FNDC1: variants seen among roughly 807,000 people sequenced by gnomAD.
The protein encoded by FNDC1 is fibronectin type III domain containing 1, also known as fibronectin type III domain-containing protein 1.
In FNDC1, 96 loss-of-function variants were observed where a neutral mutation model predicts 168.0. The ratio of observed to expected loss-of-function variants is 0.57; its 90% CI spans 0.48 to 0.68. The LOEUF is 0.68. Ranked by LOEUF, FNDC1 falls within the 30% of genes least tolerant of loss-of-function variation. The pLI is 0.00. For synonymous variants in FNDC1, 1,099 were observed against 1,025.9 expected (o/e 1.07, Z -1.36); for missense variants, 2,587 against 2,482.1 (o/e 1.04, Z -0.90).
Position 159,215,091 on chromosome 6 carries a change from C to T in FNDC1, c.607C>T (p.Arg203Trp), listed in dbSNP as rs201087585. 2.6e-5 allele frequency: 42 copies of T among 1,613,794 alleles called. No homozygotes were observed. The highest frequency in any genetic ancestry group is 2.1e-4 in the African/African-American group (16 of 74,882). The change falls in exon 5 of 23, where the codon CGG becomes TGG. Residue 203 changes from arginine to tryptophan, a missense_variant. Transcript: ENST00000297267. Reference protein sequence around the residue: ...GFLLGYGESGRKMNYVPLTRD... With the variant: ...GFLLGYGESGWKMNYVPLTRD... ...TCTCCTGGGCTACGGGGAGAGTGGCCGGAAGATGAATTATGTTCCACTGAC... is the reference window on the plus strand; with the variant it reads ...TCTCCTGGGCTACGGGGAGAGTGGCTGGAAGATGAATTATGTTCCACTGAC...
At chr6:159,248,302 GA>G (rs1474227311) in intron 15 of FNDC1, among the ~76,000 whole-genome samples, 1 of 150,438 alleles carries the variant, frequency 6.6e-6, no homozygotes, top group Non-Finnish European at 1.5e-5. Context: ...ATACATGGGA[GA>G]AAAAAGAATT....
At chr6:159,259,712 T>C (rs294886) in intron 18 of FNDC1, among the ~76,000 whole-genome samples, 96,808 of 152,098 alleles carry the variant, frequency 0.64, 32,298 homozygotes, top group Middle Eastern at 0.76. Flanking sequence ...TAAAAGTACA[T>C]GTAACTGGGA....
chr6:159,235,078 C>T (rs1277715406), intron 11 of FNDC1, among the ~76,000 whole-genome samples: 2 of 152,206 alleles, frequency 1.3e-5, no homozygotes, highest in East Asian at 3.8e-4. Flanking sequence ...GCAATTAGTG[C>T]ATGTTGTCTA....
At position 159,232,985 on chromosome 6, in the gene FNDC1, T is replaced by C; in HGVS notation, c.2473T>C (p.Phe825Leu). The change falls in exon 11 of 23, where the codon TTT becomes CTT. Residue 825 changes from phenylalanine (F) to leucine (L), a missense_variant. Coordinates refer to ENST00000297267, the MANE Select transcript of FNDC1 (RefSeq NM_032532.3). This position sits in a 1 kb window ranked among gnomAD's most constrained non-coding sequence, Gnocchi z 4.9. ...CTTCCATTTGCTCAGACACAAACCC[T>C]TTGCTGCCAACGGGAGGTCTCCAAG... ...GHFHLLRHKP[F>L]AANGRSPSRF... 1 of 1,612,024 alleles carries C rather than the reference T, an allele frequency of 6.2e-7. No homozygotes were observed.
rs754094035 is a variant in FNDC1, at chr6:159,200,587, A to C, written c.460+6A>C. On this transcript the variant is annotated splice_donor_region_variant and intron_variant, in intron 4 of 22. Transcript: ENST00000297267. ...ATTTAATGAAACCGTCACAGGTACTACTTCCTCCTTCATGTCAGATTCATG... is the reference window on the plus strand; with the variant it reads ...ATTTAATGAAACCGTCACAGGTACTCCTTCCTCCTTCATGTCAGATTCATG... 6.3e-7 allele frequency: 1 copy of C among 1,582,468 alleles called. No homozygotes were observed. Among genetic ancestry groups the C allele is most frequent in the East Asian group, 2.3e-5 (1 of 44,104 alleles).
Position 159,239,520 on chromosome 6 carries a change from T to A in FNDC1, c.4184T>A (p.Leu1395Gln). ...LGGDGRTIVDLEGTPVVSPDG... is the reference protein window; with the variant it reads ...LGGDGRTIVDQEGTPVVSPDG... ...CTATTGGTTGATTTTGTTTCAGATCTGGAAGGGACCCCCGTGGTGAGTCCT... is the reference window on the plus strand; with the variant it reads ...CTATTGGTTGATTTTGTTTCAGATCAGGAAGGGACCCCCGTGGTGAGTCCT... Residue 1395 changes from leucine (L) to glutamine (Q), a missense_variant, in exon 14 of 23, where the codon CTG (leucine) becomes CAG (glutamine). Transcript: ENST00000297267. 1 of 1,584,910 alleles carries A rather than the reference T, an allele frequency of 6.3e-7. No individual in the cohort carries two copies. The highest frequency in any genetic ancestry group is 8.6e-7 in the Non-Finnish European group (1 of 1,163,096).
At position 159,175,072 on chromosome 6, in the gene FNDC1, A is replaced by AT. The variant is rs963462605; in HGVS notation, c.109+5375dup. ...TAATTACAAAGTAGATGCTGCTCAC[A>AT]TTTTTTTTACCGCAGTCTCCTACAT... is the stretch of plus-strand genomic sequence containing the variant. On this transcript the variant is annotated intron_variant, in intron 1 of 22. Transcript: ENST00000297267. Among the ~76,000 whole-genome samples, 68 of 152,086 alleles carry AT rather than the reference A, an allele frequency of 4.5e-4. 1 individual carries two copies. Among genetic ancestry groups the AT allele is most frequent in the Admixed American group, 1.3e-3 (20 of 15,262 alleles).
At chr6:159,271,291 C>T (rs764040773) in intron 22 of FNDC1, 36 bp from the exon 23 acceptor site, 2 of 1,487,466 alleles carry the variant, frequency 1.3e-6, no homozygotes, top group Non-Finnish European at 1.8e-6. Flanking sequence ...GTTCAGGGGC[C>T]TCTGACGCTT....
chr6:159,251,331 C>G lies in FNDC1; in HGVS notation c.4864C>G (p.Pro1622Ala). The G allele has an allele frequency of 6.2e-7, 1 of 1,613,854 alleles. No individual in the cohort carries two copies. The highest frequency in any genetic ancestry group is 8.5e-7 in the Non-Finnish European group (1 of 1,179,812). ...APYVTYLNKD[P>A]SAPCSLTDAL... is the part of the protein sequence containing the mutation. ...TTACGTGACGTACCTAAATAAAGAC[C>G]CATCAGCCCCGTGCTCTCTGACTGA... is the stretch of plus-strand genomic sequence containing the variant. The change falls in exon 17 of 23, where the codon CCA (proline) becomes GCA (alanine). Residue 1622 changes from proline (P) to alanine (A), a missense_variant. By Grantham distance (27) the Pro-to-Ala change is conservative (BLOSUM62 -1). Transcript: ENST00000297267.
chr6:159,172,363 A>G (rs187310675), intron 1 of FNDC1, among the ~76,000 whole-genome samples: 50 of 152,356 alleles, frequency 3.3e-4, no homozygotes, highest in African/African-American at 1.1e-3. Flanking sequence ...TTTTCTCAAA[A>G]ATGAACAAAG....
intron 22 of FNDC1, among the ~76,000 whole-genome samples, chr6:159,268,235 A>T (rs188998272): frequency 4.3e-4 from 65 of 152,256 alleles, no homozygotes; most frequent in Non-Finnish European, 1.5e-4. Context: ...TGATTGTGGC[A>T]TTATAAGGTG....
rs1259085849 is a variant in FNDC1, at chr6:159,269,296, C to T, written c.5569+1370C>T. ...TCTATCTATCTATCTATCTATCCAT[C>T]CATCCATCTATCCTATCTATTTATC... On this transcript the variant is annotated intron_variant, in intron 22 of 22. Transcript: ENST00000297267. Among the ~76,000 whole-genome samples the T allele has an allele frequency of 5.5e-4, 69 of 125,512 alleles. 3 individuals are homozygous for T. The highest frequency in any genetic ancestry group is 8.0e-4 in the Non-Finnish European group (45 of 56,002). The allele number at this position is 125,512 out of a possible 152,430, so 82.3% of individuals were successfully genotyped here.
intron 4 of FNDC1, among the ~76,000 whole-genome samples, chr6:159,207,361 C>T (rs1252508848): frequency 2.0e-5 from 3 of 152,172 alleles, no homozygotes; most frequent in African/African-American, 7.2e-5. Context: ...CCTGCCTGTG[C>T]CACCTTGCAT....
chr6:159,200,053 G>A lies in FNDC1; in HGVS notation c.362G>A (p.Arg121His), dbSNP rs780310956. 1.2e-5 allele frequency: 19 copies of A among 1,603,156 alleles called. No homozygotes were observed. The highest frequency in any genetic ancestry group is 6.8e-5 in the Admixed American group (4 of 58,722). The change falls in exon 3 of 23, where the codon CGT becomes CAT. Residue 121 changes from arginine (R) to histidine (H), a missense_variant. Physicochemically the swap from Arg to His is conservative, Grantham distance 29 (BLOSUM62 0). Coordinates refer to ENST00000297267, the MANE Select transcript of FNDC1 (RefSeq NM_032532.3). The stretch of plus-strand genomic sequence containing the variant: ...GCAGAAAACCACAGTGGAGTGAGCC[G>A]TCCTGTTTACAGAGCTGAAAGCCCA... ...LTAENHSGVSRPVYRAESPPG... is the reference protein window; with the variant it reads ...LTAENHSGVSHPVYRAESPPG...
In FNDC1 at chr6:159,271,208, C is replaced by A. The variant is rs547681375; in HGVS notation, c.5570-119C>A. 1.4e-4 allele frequency: 94 copies of A among 688,758 alleles called. 1 individual carries two copies. In the South Asian group the frequency reaches 1.5e-3, roughly 11 times the overall value. 42.7% of individuals were successfully genotyped at this position (688,758 alleles called of 1,614,324 possible). ...AATGGTTCAGTTTATTTGAAAGTAG[C>A]GTTTTGTCACAAGAACAACTTATCA... is the stretch of plus-strand genomic sequence containing the variant. On this transcript the variant is annotated intron_variant, in intron 22 of 22. Transcript: ENST00000297267.
chr6:159,210,212 C>G (rs1004212181), intron 4 of FNDC1, among the ~76,000 whole-genome samples: 1 of 152,224 alleles, frequency 6.6e-6, no homozygotes, highest in African/African-American at 2.4e-5. Flanking sequence ...AGGTGTGATG[C>G]TTGTGCCACA....
chr6:159,256,700 A>T, intron 18 of FNDC1, 69 bp downstream of exon 18: 1 of 1,178,724 alleles, frequency 8.5e-7, no homozygotes. Context: ...TTTGGTTGGA[A>T]ATGAAGGGAG....
chr6:159,209,354 G>A (rs1210697436), intron 4 of FNDC1, among the ~76,000 whole-genome samples: 2 of 152,214 alleles, frequency 1.3e-5, no homozygotes, highest in African/African-American at 4.8e-5. Context: ...CAGCATTTCT[G>A]TGAAACAAAC....
chr6:159,269,599 CTATCTA>C (rs1777698834), intron 22 of FNDC1, among the ~76,000 whole-genome samples: 1 of 8,644 alleles, frequency 1.2e-4, no homozygotes, highest in Non-Finnish European at 4.9e-4. Context: ...GTCTGTCTGT[CTATCTA>C]TCTATCTATC....
Sources: gnomAD v4.1 joint callset for allele counts (sites outside exome capture counted in the v4.1 genomes callset) on GRCh38, gnomAD v4.1.1 for gene constraint, Gnocchi (gnomAD v3.1) non-coding constraint, MANE v1.5 for transcripts, NCBI Gene and HGNC (gene_info 2026-07-23, HGNC 2026-07-21) for gene names.